The following UNC13C variants were observed in gnomAD, a reference collection of about 807,000 sequenced individuals.
UNC13C encodes protein unc-13 homolog C.
UNC13C carries 174 observed loss-of-function variants against 245.4 expected under a neutral mutation model. The observed-to-expected ratio is 0.71, with a 90% confidence interval of 0.63 to 0.80. The LOEUF is 0.80. Among genes scored for constraint, UNC13C ranks in the 30% least tolerant of loss-of-function variants. The probability of loss-of-function intolerance (pLI) is 0.00; values close to 1 mark genes in which losing one functional copy is unlikely to be tolerated. For synonymous variants in UNC13C, 992 were observed against 895.1 expected, an observed-to-expected ratio of 1.11 and a Z score of -1.93; for missense variants, 2,829 against 2,602.9, an observed-to-expected ratio of 1.09 and a Z score of -1.89.
At chr15:54,307,131 C>T (rs565737861) in intron 13 of UNC13C, among the ~76,000 whole-genome samples, 2 of 152,068 alleles carry the variant, frequency 1.3e-5, no homozygotes, top group South Asian at 4.1e-4. Context: ...TATAGAATGT[C>T]TTAGTCTGTG....
the UNC13C span, among the ~76,000 whole-genome samples, chr15:53,960,541 T>C: frequency 1.3e-5 from 2 of 152,084 alleles, no homozygotes; most frequent in Admixed American, 6.5e-5. Flanking sequence ...ATATGAATTA[T>C]GACAAAAATA....
chr15:53,905,011 T>C, the UNC13C span, among the ~76,000 whole-genome samples: 1,451 of 152,260 alleles, frequency 9.5e-3, 10 homozygotes, highest in South Asian at 0.036. Flanking sequence ...AATTGAGGCA[T>C]GCATAGACAG....
intron 19 of UNC13C, among the ~76,000 whole-genome samples, chr15:54,462,831 A>T (rs1038258975): frequency 6.6e-5 from 10 of 152,216 alleles, no homozygotes; most frequent in African/African-American, 2.4e-4. Context: ...AGGGCTGAGG[A>T]GTGCAGGCAT....
intron 19 of UNC13C, among the ~76,000 whole-genome samples, chr15:54,466,541 C>T (rs1057092743): frequency 6.6e-6 from 1 of 151,908 alleles, no homozygotes; most frequent in Non-Finnish European, 1.5e-5. Flanking sequence ...TGGAGATGAA[C>T]TTCAGGCTGA....
At chr15:54,198,936 A>C (rs2034440915) in intron 4 of UNC13C, among the ~76,000 whole-genome samples, 1 of 152,084 alleles carries the variant, frequency 6.6e-6, no homozygotes, top group Non-Finnish European at 1.5e-5. Flanking sequence ...CTTAAATCAA[A>C]AATGTGATAC....
chr15:54,498,918 T>C (rs1817426420), intron 20 of UNC13C, among the ~76,000 whole-genome samples: 1 of 152,140 alleles, frequency 6.6e-6, no homozygotes, highest in African/African-American at 2.4e-5. Flanking sequence ...TGCAAAGTGC[T>C]TAAAAATACA....
chr15:54,279,453 T>C (rs2036920943), intron 10 of UNC13C, among the ~76,000 whole-genome samples: 2 of 152,210 alleles, frequency 1.3e-5, no homozygotes, highest in African/African-American at 2.4e-5. Flanking sequence ...GGGATGTTAG[T>C]TGACAGTGTT....
intron 30 of UNC13C, among the ~76,000 whole-genome samples, chr15:54,604,415 A>G (rs1899639006): frequency 6.6e-6 from 1 of 152,208 alleles, no homozygotes; most frequent in South Asian, 2.1e-4. Flanking sequence ...AACAAAAGAA[A>G]AACAGCTGTA....
At chr15:54,249,064 A>G (rs960741483) in intron 7 of UNC13C, among the ~76,000 whole-genome samples, 2 of 152,194 alleles carry the variant, frequency 1.3e-5, no homozygotes, top group African/African-American at 4.8e-5. Flanking sequence ...GTAAATATCC[A>G]TTCATTATGC....
intron 6 of UNC13C, among the ~76,000 whole-genome samples, chr15:54,237,151 T>C (rs2035722894): frequency 6.6e-6 from 1 of 152,194 alleles, no homozygotes; most frequent in Admixed American, 6.5e-5. Flanking sequence ...CTTGAATAGA[T>C]ATGGAAGAAT....
At chr15:54,558,614 G>A (rs952832574) in intron 29 of UNC13C, among the ~76,000 whole-genome samples, 2 of 151,680 alleles carry the variant, frequency 1.3e-5, no homozygotes, top group South Asian at 2.1e-4. Flanking sequence ...AACTTTAATT[G>A]GACTGGAACT....
At chr15:54,251,167 A>G (rs965360663) in intron 8 of UNC13C, among the ~76,000 whole-genome samples, 4 of 152,126 alleles carry the variant, frequency 2.6e-5, no homozygotes, top group Non-Finnish European at 5.9e-5. Flanking sequence ...ATTTACAGCA[A>G]CTGGAATTCT....
chr15:53,887,905 A>C, the UNC13C span, among the ~76,000 whole-genome samples: 8 of 152,286 alleles, frequency 5.3e-5, no homozygotes, highest in East Asian at 1.5e-3. Flanking sequence ...ATGGCTTCAT[A>C]GTATTCCATG....
chr15:54,590,194 T>A (rs1169619220), intron 30 of UNC13C, among the ~76,000 whole-genome samples: 1 of 152,198 alleles, frequency 6.6e-6, no homozygotes, highest in African/African-American at 2.4e-5. Flanking sequence ...GACTATGGCC[T>A]TATAGTATAG....
intron 4 of UNC13C, among the ~76,000 whole-genome samples, chr15:54,186,836 A>AATATATATATATATATAAATATATAT (rs372623344): frequency 7.9e-6 from 1 of 126,142 alleles, no homozygotes; most frequent in East Asian, 2.3e-4. Flanking sequence ...CAAAGAACAT[A>AATATATATATATATATAAATATATAT]ATATATATGT....
the UNC13C span, among the ~76,000 whole-genome samples, chr15:53,971,502 C>G: frequency 2.6e-5 from 4 of 151,826 alleles, no homozygotes; most frequent in Admixed American, 2.6e-4. Context: ...GAATAGGTAA[C>G]TAACAGAATG....
chr15:54,478,867 G>A (rs976297079), intron 19 of UNC13C, among the ~76,000 whole-genome samples: 2 of 152,108 alleles, frequency 1.3e-5, no homozygotes, highest in African/African-American at 4.8e-5. Context: ...GAGTATCCTT[G>A]TTAACTTTCT....
chr15:54,100,689 CA>C (rs113993450), intron 2 of UNC13C, among the ~76,000 whole-genome samples: 5,782 of 145,492 alleles, frequency 0.04, 332 homozygotes, highest in African/African-American at 0.13. Flanking sequence ...CTCAGTATCT[CA>C]AAAAAAAAAA....
At chr15:54,296,996 T>C (rs577772700) in intron 11 of UNC13C, among the ~76,000 whole-genome samples, 2 of 152,344 alleles carry the variant, frequency 1.3e-5, no homozygotes, top group South Asian at 4.1e-4. Context: ...CCAGCACTTA[T>C]AAGTTAGCCT....
Sources: allele counts gnomAD v4.1 joint callset (sites outside exome capture counted in the v4.1 genomes callset), GRCh38; gene constraint gnomAD v4.1.1; transcripts MANE v1.5; gene names NCBI Gene and HGNC (gene_info 2026-07-23, HGNC 2026-07-21).